Variants in NALF1 observed in about 807,000 individuals in gnomAD.
The protein encoded by NALF1 is NALCN channel auxiliary factor 1, also known as family with sequence similarity 155 member A.
A neutral mutation model predicts 48.4 loss-of-function variants in NALF1; 3 were observed. The observed-to-expected ratio is 0.06, with a 90% CI of 0.03 to 0.16. The LOEUF is 0.16. NALF1 is among the 10% of genes least tolerant of loss of function. The probability of loss-of-function intolerance (pLI) is 1.00; values close to 1 mark genes in which losing one functional copy is unlikely to be tolerated. For missense variants in NALF1, 526 were observed against 571.5 expected (o/e 0.92, Z 0.81); for synonymous variants, 262 against 245.7 (o/e 1.07, Z -0.62).
chr13:107,682,946 A>C (rs1881341458), intron 1 of NALF1, among the ~76,000 whole-genome samples: 1 of 152,192 alleles, frequency 6.6e-6, no homozygotes, highest in Non-Finnish European at 1.5e-5. Flanking sequence ...CAATTTTAGT[A>C]ACAAATTGTT....
At chr13:107,200,106 G>A (rs974889943) in intron 2 of NALF1, among the ~76,000 whole-genome samples, 2 of 152,194 alleles carry the variant, frequency 1.3e-5, no homozygotes, top group African/African-American at 2.4e-5. Context: ...TCACCAAAAC[G>A]AGAAGGAGAG....
At chr13:107,240,241 T>G (rs1332546126) in intron 1 of NALF1, among the ~76,000 whole-genome samples, 1 of 152,184 alleles carries the variant, frequency 6.6e-6, no homozygotes, top group Non-Finnish European at 1.5e-5. Context: ...GATGGCTATT[T>G]ATGGACCAAT....
intron 1 of NALF1, among the ~76,000 whole-genome samples, chr13:107,793,985 T>C (rs564439448): frequency 2.0e-5 from 3 of 152,224 alleles, no homozygotes; most frequent in Non-Finnish European, 4.4e-5. Flanking sequence ...AATATGTCTG[T>C]AGACCTATTC....
intron 1 of NALF1, among the ~76,000 whole-genome samples, chr13:107,828,769 T>C (rs1000638311): frequency 6.6e-6 from 1 of 152,134 alleles, no homozygotes; most frequent in Non-Finnish European, 1.5e-5. Flanking sequence ...TAACAATTTG[T>C]TCACCTTCTC....
intron 1 of NALF1, among the ~76,000 whole-genome samples, chr13:107,847,052 T>A (rs1037585358): frequency 2.7e-4 from 41 of 152,200 alleles, no homozygotes; most frequent in African/African-American, 7.5e-4. Flanking sequence ...TTAAAAAAAA[T>A]TAAAGGCAAA....
chr13:107,823,587 C>T (rs941313807), intron 1 of NALF1, among the ~76,000 whole-genome samples: 4 of 139,114 alleles, frequency 2.9e-5, no homozygotes, highest in Admixed American at 7.3e-5. Flanking sequence ...CCGTGGCCTC[C>T]GCTCCCACTC....
At chr13:107,580,457 A>G (rs912945207) in intron 1 of NALF1, among the ~76,000 whole-genome samples, 11 of 152,114 alleles carry the variant, frequency 7.2e-5, no homozygotes, top group African/African-American at 2.4e-4. Context: ...GTCAAGCCCA[A>G]TGGCACCTCT....
intron 1 of NALF1, among the ~76,000 whole-genome samples, chr13:107,431,533 C>T (rs191075617): frequency 2.1e-4 from 32 of 152,284 alleles, no homozygotes; most frequent in Non-Finnish European, 3.5e-4. Context: ...CTAAAAGGAA[C>T]GAGTGTTAAG....
chr13:107,184,349 C>T lies in NALF1; in HGVS notation c.1088-13563G>A, dbSNP rs145000148. On this transcript the variant is annotated intron_variant, in intron 2 of 2. Transcript: ENST00000375915. ...AACGGAGAAAACCATTTTAATGCGCCGATGGAAAGGTAGTCCCTATTGCTT... is the reference window on the plus strand; with the variant it reads ...AACGGAGAAAACCATTTTAATGCGCTGATGGAAAGGTAGTCCCTATTGCTT... 1.4e-3 allele frequency among the ~76,000 whole-genome samples: 218 copies of T among 152,036 alleles called. 3 individuals are homozygous for T. Among genetic ancestry groups the T allele is most frequent in the African/African-American group, 5.1e-3 (209 of 41,358 alleles).
At chr13:107,558,653 T>C (rs747615408) in intron 1 of NALF1, among the ~76,000 whole-genome samples, 18 of 152,190 alleles carry the variant, frequency 1.2e-4, no homozygotes, top group Non-Finnish European at 2.2e-4. Flanking sequence ...GTAAATTTTA[T>C]GTGTCCATTT....
intron 1 of NALF1, among the ~76,000 whole-genome samples, chr13:107,822,531 A>G (rs761847647): frequency 2.6e-5 from 4 of 152,162 alleles, no homozygotes. Flanking sequence ...GGATTCCACT[A>G]CACACCCCAA....
intron 1 of NALF1, among the ~76,000 whole-genome samples, chr13:107,243,459 C>T (rs564076202): frequency 2.0e-5 from 3 of 152,258 alleles, no homozygotes; most frequent in Middle Eastern, 3.4e-3. Flanking sequence ...CAATGCATGC[C>T]GTTGATGTAT....
At chr13:107,489,106 C>A (rs1885375338) in intron 1 of NALF1, among the ~76,000 whole-genome samples, 1 of 151,986 alleles carries the variant, frequency 6.6e-6, no homozygotes, top group African/African-American at 2.4e-5. Flanking sequence ...CAAACAACTG[C>A]TCAAAGTAAT....
intron 1 of NALF1, among the ~76,000 whole-genome samples, chr13:107,461,147 T>A (rs1002239944): frequency 1.3e-5 from 2 of 152,086 alleles, no homozygotes; most frequent in African/African-American, 4.8e-5. Flanking sequence ...AGACCCAAGC[T>A]ATGGATTAAA....
At chr13:107,593,184 A>G (rs1418143045) in intron 1 of NALF1, among the ~76,000 whole-genome samples, 4 of 151,934 alleles carry the variant, frequency 2.6e-5, no homozygotes, top group Non-Finnish European at 5.9e-5. Context: ...ACTTAGGACC[A>G]TAAATTTAAT....
intron 1 of NALF1, among the ~76,000 whole-genome samples, chr13:107,267,575 T>C (rs1295114527): frequency 6.6e-6 from 1 of 152,226 alleles, no homozygotes; most frequent in African/African-American, 2.4e-5. Flanking sequence ...TGGAGAAGGA[T>C]GCATTCCAGG....
At chr13:107,495,984 G>GA (rs1566365820) in intron 1 of NALF1, among the ~76,000 whole-genome samples, 1 of 151,966 alleles carries the variant, frequency 6.6e-6, no homozygotes, top group Non-Finnish European at 1.5e-5. Context: ...TGTAGGTTAT[G>GA]AAAAAAACTC....
At chr13:107,324,970 C>T (rs1007667464) in intron 1 of NALF1, among the ~76,000 whole-genome samples, 33 of 152,118 alleles carry the variant, frequency 2.2e-4, no homozygotes, top group Non-Finnish European at 4.0e-4. Flanking sequence ...ATGTCTATTG[C>T]CACAAATTTG....
At chr13:107,576,826 T>A (rs1445659291) in intron 1 of NALF1, among the ~76,000 whole-genome samples, 1 of 152,114 alleles carries the variant, frequency 6.6e-6, no homozygotes, top group East Asian at 1.9e-4. Context: ...AGAAAATAAA[T>A]ATTTCGTAGT....
Sources: gnomAD v4.1 joint callset for allele counts (sites outside exome capture counted in the v4.1 genomes callset) on GRCh38, gnomAD v4.1.1 for gene constraint, MANE v1.5 for transcripts, NCBI Gene and HGNC (gene_info 2026-07-23, HGNC 2026-07-21) for gene names.